Variants in MACROD2 observed in about 807,000 individuals in gnomAD.
MACROD2 encodes ADP-ribose glycohydrolase MACROD2.
MACROD2 carries 36 observed loss-of-function variants against 70.4 expected under a neutral mutation model. The observed-to-expected ratio is 0.51, with a 90% confidence interval of 0.39 to 0.68. The LOEUF (loss-of-function observed/expected upper bound fraction) is 0.68, where lower values mean the gene tolerates loss of function less well. MACROD2 is among the 30% of genes least tolerant of loss of function. MACROD2 has a pLI of 0.00. For missense variants in MACROD2, 496 were observed against 538.4 expected (o/e 0.92, Z 0.78); for synonymous variants, 172 against 178.8 (o/e 0.96, Z 0.30).
intron 2 of MACROD2, among the ~76,000 whole-genome samples, chr20:14,003,329 T>C (rs1180955095): frequency 6.6e-6 from 1 of 152,190 alleles, no homozygotes; most frequent in African/African-American, 2.4e-5. Context: ...GACACAACTT[T>C]GTTTTTCTAG....
chr20:16,027,830 A>G (rs56865319), intron 15 of MACROD2, among the ~76,000 whole-genome samples: 5,203 of 152,178 alleles, frequency 0.034, 255 homozygotes, highest in East Asian at 0.16. Flanking sequence ...GAGACACCCA[A>G]TTTGCATTAT....
intron 5 of MACROD2, among the ~76,000 whole-genome samples, chr20:15,114,431 C>T (rs1049164452): frequency 3.9e-5 from 6 of 152,008 alleles, no homozygotes; most frequent in African/African-American, 1.4e-4. Context: ...AGGGGGATGC[C>T]AAGGAATGGG....
At chr20:14,026,361 A>T (rs2053165720) in intron 2 of MACROD2, among the ~76,000 whole-genome samples, 1 of 152,130 alleles carries the variant, frequency 6.6e-6, no homozygotes. Context: ...TAATATTGTT[A>T]TGTGTAAATT....
chr20:15,101,584 C>T (rs1377999608), intron 5 of MACROD2, among the ~76,000 whole-genome samples: 2 of 120,470 alleles, frequency 1.7e-5, no homozygotes, highest in African/African-American at 3.2e-5. Flanking sequence ...AAACATTTTG[C>T]TTTTCAGTGA....
intron 5 of MACROD2, among the ~76,000 whole-genome samples, chr20:14,743,430 T>C (rs559862090): frequency 7.2e-4 from 109 of 152,222 alleles, no homozygotes; most frequent in Non-Finnish European, 1.2e-3. Flanking sequence ...GACAGAGATG[T>C]GCCTGAAAAA....
chr20:15,024,865 C>T (rs2075217727), intron 5 of MACROD2, among the ~76,000 whole-genome samples: 1 of 152,106 alleles, frequency 6.6e-6, no homozygotes, highest in Non-Finnish European at 1.5e-5. Flanking sequence ...TTGCTTTTCC[C>T]TCAAGGGAAA....
Position 15,121,526 on chromosome 20 carries a change from A to AG in MACROD2, c.419-108414_419-108413insG, listed in dbSNP as rs1032455047. Among the ~76,000 whole-genome samples, 14 of 150,560 alleles carry AG rather than the reference A, an allele frequency of 9.3e-5. 1 individual carries two copies. The highest frequency in any genetic ancestry group is 2.1e-4 in the South Asian group (1 of 4,784). On this transcript the variant is annotated intron_variant, in intron 5 of 17. Coordinates refer to ENST00000684519, the MANE Select transcript of MACROD2 (RefSeq NM_001351661.2). ...GAAACTCTGCCTCAAAAAAAAAAAA[A>AG]AAAAGAAAAAAGAAAGAAAATGCCC...
At chr20:15,368,370 A>G (rs2045441878) in intron 6 of MACROD2, among the ~76,000 whole-genome samples, 1 of 152,142 alleles carries the variant, frequency 6.6e-6, no homozygotes, top group African/African-American at 2.4e-5. Context: ...AGGGGAGAGA[A>G]AAAACACTAC....
chr20:15,176,717 G>A (rs1009160034), intron 5 of MACROD2, among the ~76,000 whole-genome samples: 7 of 152,256 alleles, frequency 4.6e-5, no homozygotes, highest in Middle Eastern at 6.8e-3. Flanking sequence ...CTCAGGACAT[G>A]CCAAATGGCT....
At chr20:14,620,983 A>G (rs1983794929) in intron 4 of MACROD2, among the ~76,000 whole-genome samples, 1 of 152,234 alleles carries the variant, frequency 6.6e-6, no homozygotes, top group African/African-American at 2.4e-5. Flanking sequence ...GTGGACCTCA[A>G]AGATTTCACA....
chr20:15,008,693 A>G (rs1001261178), intron 5 of MACROD2, among the ~76,000 whole-genome samples: 1 of 152,204 alleles, frequency 6.6e-6, no homozygotes, highest in Non-Finnish European at 1.5e-5. Context: ...AACCACAGAC[A>G]TGTAGTTTAC....
At position 15,095,064 on chromosome 20, in the gene MACROD2, C is replaced by CTT. The variant is rs373794823; in HGVS notation, c.419-134846_419-134845dup. Among the ~76,000 whole-genome samples, 69 of 89,258 alleles carry CTT rather than the reference C, an allele frequency of 7.7e-4. 2 individuals carry two copies. Among genetic ancestry groups the CTT allele is most frequent in the East Asian group, 4.4e-3 (15 of 3,422 alleles). The allele number at this position is 89,258 out of a possible 152,430, so 58.6% of individuals were successfully genotyped here. A position where few individuals can be genotyped will look rare whatever the true frequency, so the allele number is the denominator to read the frequency against. On this transcript the variant is annotated intron_variant, in intron 5 of 17. Transcript: ENST00000684519. ...TATCTTTTCACTGTGGTCTCCTCTTCTTTTTTTTTTTTTTTTTTTTTTTTT... is the reference window on the plus strand; with the variant it reads ...TATCTTTTCACTGTGGTCTCCTCTTCTTTTTTTTTTTTTTTTTTTTTTTTTTT...
chr20:15,541,619 C>CT lies in MACROD2; in HGVS notation c.645+41773dup, dbSNP rs201335282. Among the ~76,000 whole-genome samples, 259 of 152,258 alleles carry CT rather than the reference C, an allele frequency of 1.7e-3. 4 individuals are homozygous for CT. In the East Asian group the frequency reaches 0.048, roughly 28 times the overall value. ...TCACCTAACAGTTTTCTTCAGAAAA[C>CT]TGGAACATTTGGCCAATTTCTTAAT... On this transcript the variant is annotated intron_variant, in intron 8 of 17. Coordinates refer to ENST00000684519, the MANE Select transcript of MACROD2 (RefSeq NM_001351661.2).
intron 10 of MACROD2, among the ~76,000 whole-genome samples, chr20:15,904,331 T>C (rs1382617444): frequency 6.6e-6 from 1 of 151,770 alleles, no homozygotes; most frequent in Non-Finnish European, 1.5e-5. Context: ...AATTTTCCAA[T>C]TAAGCAAAAG....
At chr20:15,302,028 G>C (rs559021868) in intron 6 of MACROD2, among the ~76,000 whole-genome samples, 5 of 152,082 alleles carry the variant, frequency 3.3e-5, no homozygotes, top group African/African-American at 7.2e-5. Flanking sequence ...CTGACAATCT[G>C]CTTGTTGGCA....
At chr20:14,430,166 C>T (rs1221864577) in intron 3 of MACROD2, among the ~76,000 whole-genome samples, 1 of 152,128 alleles carries the variant, frequency 6.6e-6, no homozygotes, top group Non-Finnish European at 1.5e-5. Flanking sequence ...GTTTATGGTT[C>T]CAGGGCAATA....
At chr20:15,624,177 G>T (rs545806145) in intron 8 of MACROD2, among the ~76,000 whole-genome samples, 7 of 152,188 alleles carry the variant, frequency 4.6e-5, no homozygotes, top group Admixed American at 4.6e-4. Context: ...ATGTTTGAGG[G>T]CAGGAAGCAT....
At chr20:13,999,182 G>A (rs751639967) in intron 1 of MACROD2, among the ~76,000 whole-genome samples, 1 of 151,980 alleles carries the variant, frequency 6.6e-6, no homozygotes, top group Non-Finnish European at 1.5e-5. Flanking sequence ...TCTTTCTTGG[G>A]TATGTTTAAT....
At chr20:15,657,311 G>A (rs2049745996) in intron 8 of MACROD2, among the ~76,000 whole-genome samples, 1 of 152,154 alleles carries the variant, frequency 6.6e-6, no homozygotes, top group African/African-American at 2.4e-5. Flanking sequence ...TTTGTTCCAA[G>A]CCTTAGAGCA....
Sources: allele counts gnomAD v4.1 joint callset (sites outside exome capture counted in the v4.1 genomes callset), GRCh38; gene constraint gnomAD v4.1.1; transcripts MANE v1.5; gene names NCBI Gene and HGNC (gene_info 2026-07-23, HGNC 2026-07-21).